The following CDH23 variants were observed in gnomAD, a reference collection of about 807,000 sequenced individuals.
CDH23 encodes cadherin-23.
In CDH23, 189 loss-of-function variants were observed where a neutral mutation model predicts 317.1. The ratio of observed to expected loss-of-function variants is 0.60; its 90% confidence interval spans 0.53 to 0.67. The LOEUF (loss-of-function observed/expected upper bound fraction) is 0.67, where lower values mean the gene tolerates loss of function less well. Among genes scored for constraint, CDH23 ranks in the 30% least tolerant of loss-of-function variants. The pLI is 0.00. For missense variants in CDH23, 4,401 were observed against 4,592.4 expected (o/e 0.96, Z 1.20); for synonymous variants, 1,839 against 1,876.8 (o/e 0.98, Z 0.52).
intron 6 of CDH23, among the ~76,000 whole-genome samples, chr10:71,556,652 G>C (rs780651452): frequency 2.1e-4 from 32 of 151,768 alleles, no homozygotes; most frequent in Admixed American, 3.3e-4. Flanking sequence ...GGGAAAAACT[G>C]TTTTTAATTT....
intron 11 of CDH23, among the ~76,000 whole-genome samples, chr10:71,629,951 G>A (rs984741332): frequency 3.3e-5 from 5 of 152,210 alleles, no homozygotes; most frequent in South Asian, 2.1e-4. Flanking sequence ...TGAATTGTTC[G>A]CTCTCAAATG....
In CDH23 at chr10:71,479,444, C is replaced by T. The variant is rs77967742; in HGVS notation, c.146-30638C>T. ...GCAGGAGTGAGAGGGGAAGGGACTGCGGCCAAGGTGAGCCTGTCCATCTGC... is the reference window on the plus strand; with the variant it reads ...GCAGGAGTGAGAGGGGAAGGGACTGTGGCCAAGGTGAGCCTGTCCATCTGC... On this transcript the variant is annotated intron_variant, in intron 3 of 69. Transcript: ENST00000224721. Among the ~76,000 whole-genome samples the T allele has an allele frequency of 5.2e-3, 784 of 152,184 alleles. 43 individuals carry two copies. The East Asian group carries it at 0.12, about 23-fold the overall frequency.
chr10:71,500,912 C>T (rs1853294249), intron 3 of CDH23, among the ~76,000 whole-genome samples: 1 of 151,174 alleles, frequency 6.6e-6, no homozygotes, highest in Non-Finnish European at 1.5e-5. Flanking sequence ...CTCTGTCCTC[C>T]AGGCTGGAGT....
At chr10:71,607,629 G>T (rs1860610259) in intron 9 of CDH23, among the ~76,000 whole-genome samples, 1 of 152,256 alleles carries the variant, frequency 6.6e-6, no homozygotes, top group African/African-American at 2.4e-5. Context: ...ATGGCCAGGT[G>T]TGGTGGCTCA....
At chr10:71,563,450 T>C (rs1857232473) in intron 6 of CDH23, among the ~76,000 whole-genome samples, 1 of 149,378 alleles carries the variant, frequency 6.7e-6, no homozygotes, top group Non-Finnish European at 1.5e-5. Context: ...TCTTCCATCC[T>C]CATCTTGTCT....
intron 18 of CDH23, among the ~76,000 whole-genome samples, chr10:71,684,930 G>A (rs1011895167): frequency 6.6e-6 from 1 of 152,198 alleles, no homozygotes; most frequent in Non-Finnish European, 1.5e-5. Context: ...CCTTTCACAT[G>A]ACCCAGCCCC....
chr10:71,547,975 G>C (rs1247306209), intron 6 of CDH23, among the ~76,000 whole-genome samples: 1 of 152,238 alleles, frequency 6.6e-6, no homozygotes, highest in Admixed American at 6.5e-5. Flanking sequence ...GAGGCCCCGT[G>C]GGGTAGGGTC....
Position 71,645,942 on chromosome 10 carries a change from C to G in CDH23, c.1252C>G (p.Pro418Ala). 2 of 1,613,392 alleles carry G rather than the reference C, an allele frequency of 1.2e-6. No individual in the cohort carries two copies. The highest frequency in any genetic ancestry group is 1.7e-6 in the Non-Finnish European group (2 of 1,179,690). Residue 418 changes from proline (P) to alanine (A), a missense_variant, in exon 13 of 70, where the codon CCA becomes GCA. Physicochemically the swap from Pro to Ala is conservative, Grantham distance 27 (BLOSUM62 -1). Around this residue, in one of 3 missense-constraint regions of CDH23, gnomAD observed 3,068 missense variants for 3,203.3 expected, o/e 0.96. Transcript: ENST00000224721. Reference sequence around the variant, plus strand: ...GGACATTCGTATTCGGGTGGCCATCCCACTGGACTACGAGACCGTGGACCG... The same window carrying G: ...GGACATTCGTATTCGGGTGGCCATCGCACTGGACTACGAGACCGTGGACCG... The part of the protein sequence containing the change: ...KADIRIRVAI[P>A]LDYETVDRYD...
At chr10:71,809,207 C>T (rs1051527511) in intron 60 of CDH23, among the ~76,000 whole-genome samples, 2 of 83,580 alleles carry the variant, frequency 2.4e-5, no homozygotes, top group Non-Finnish European at 5.0e-5. Context: ...TAGACTCTCA[C>T]TCTGTTTGTT....
intron 38 of CDH23, among the ~76,000 whole-genome samples, chr10:71,774,459 C>A (rs1840770428): frequency 6.6e-6 from 1 of 152,236 alleles, no homozygotes; most frequent in Non-Finnish European, 1.5e-5. Flanking sequence ...TCCACACCCC[C>A]TTCAGCTACC....
intron 49 of CDH23, 61 bp from the exon 50 acceptor site, chr10:71,798,293 A>C: frequency 7.6e-7 from 1 of 1,314,998 alleles, no homozygotes; most frequent in Non-Finnish European, 1.1e-6. Context: ...AGGCTAAGGA[A>C]GGCCTGGCCC....
intron 38 of CDH23, among the ~76,000 whole-genome samples, chr10:71,755,774 C>T (rs1840127205): frequency 1.3e-5 from 2 of 152,192 alleles, no homozygotes; most frequent in Non-Finnish European, 2.9e-5. Context: ...ACAGCTGGAA[C>T]ACCCTTGGCT....
chr10:71,515,516 G>A (rs1182779351), intron 6 of CDH23, among the ~76,000 whole-genome samples: 6 of 149,606 alleles, frequency 4.0e-5, no homozygotes, highest in Middle Eastern at 3.4e-3. Flanking sequence ...TACCATGTTC[G>A]GATCTGCCCA....
chr10:71,556,025 A>C (rs150355539), intron 6 of CDH23, among the ~76,000 whole-genome samples: 1 of 152,310 alleles, frequency 6.6e-6, no homozygotes, highest in East Asian at 1.9e-4. Context: ...AAATATCCAA[A>C]GGAAGGCAGG....
chr10:71,564,088 G>A (rs1857269363), intron 6 of CDH23, among the ~76,000 whole-genome samples: 2 of 152,146 alleles, frequency 1.3e-5, no homozygotes. Context: ...CTCAAAGTTA[G>A]GGAGTCTAAC....
At chr10:71,731,796 C>A (rs549684601) in intron 31 of CDH23, among the ~76,000 whole-genome samples, 191 bp from the exon 32 acceptor site, 3 of 152,322 alleles carry the variant, frequency 2.0e-5, no homozygotes, top group Admixed American at 1.3e-4. Flanking sequence ...ACAGTGCATG[C>A]TGGACCTTGC....
rs1326544842 is a variant in CDH23 at position 71,815,344 on chromosome 10, C to T, written c.*66C>T. On this transcript the variant is annotated 3_prime_UTR_variant, in exon 70 of 70. Transcript: ENST00000224721. ...ACCGTCCCCTCCCAGGGAGCAAGGGCAGGGACAGGGCCGGTCGGGGGGGAC... is the reference window on the plus strand; with the variant it reads ...ACCGTCCCCTCCCAGGGAGCAAGGGTAGGGACAGGGCCGGTCGGGGGGGAC... 1.4e-5 allele frequency: 20 copies of T among 1,432,516 alleles called. No individual in the cohort carries two copies. The East Asian group carries it at 4.9e-4, about 35-fold the overall frequency. The allele number at this position is 1,432,516 out of a possible 1,614,324, so 88.7% of individuals were successfully genotyped here.
Position 71,449,372 on chromosome 10 carries a change from G to A in CDH23, c.145+2977G>A, listed in dbSNP as rs567698864. 3.8e-4 allele frequency among the ~76,000 whole-genome samples: 58 copies of A among 152,274 alleles called. 1 individual carries two copies. The highest frequency in any genetic ancestry group is 2.8e-3 in the Admixed American group (43 of 15,306). ...TTAGACACCCAGTGATGGTCAGCTCGTGGGCCTACAAGGCAGCTCACTCTG... is the reference window on the plus strand; with the variant it reads ...TTAGACACCCAGTGATGGTCAGCTCATGGGCCTACAAGGCAGCTCACTCTG... On this transcript the variant is annotated intron_variant, in intron 3 of 69. Coordinates refer to ENST00000224721, the MANE Select transcript of CDH23 (RefSeq NM_022124.6).
At chr10:71,657,370 G>GT (rs1863462132) in intron 14 of CDH23, among the ~76,000 whole-genome samples, 1 of 152,222 alleles carries the variant, frequency 6.6e-6, no homozygotes, top group Non-Finnish European at 1.5e-5. Flanking sequence ...CCTACAGCAA[G>GT]TGCTCCAAAA....
Sources: allele counts gnomAD v4.1 joint callset (sites outside exome capture counted in the v4.1 genomes callset), GRCh38; gene constraint gnomAD v4.1.1; regional missense constraint gnomAD v4.1.1; transcripts MANE v1.5; gene names NCBI Gene and HGNC (gene_info 2026-07-23, HGNC 2026-07-21).